The following TMEM132D variants were observed in gnomAD, a reference collection of about 807,000 sequenced individuals.
TMEM132D encodes transmembrane protein 132D.
Under a neutral mutation model 62.3 loss-of-function variants are expected in TMEM132D, and 21 were observed. The observed-to-expected ratio is 0.34, with a 90% CI of 0.24 to 0.49. TMEM132D has a LOEUF of 0.49. Among genes scored for constraint, TMEM132D ranks in the 20% least tolerant of loss-of-function variants. The pLI is 0.99. For missense variants in TMEM132D, 1,346 were observed against 1,402.8 expected, an observed-to-expected ratio of 0.96 and a Z score of 0.65; for synonymous variants, 621 against 575.6, an observed-to-expected ratio of 1.08 and a Z score of -1.13.
At chr12:129,843,746 GA>G (rs1419824361) in intron 1 of TMEM132D, among the ~76,000 whole-genome samples, 5 of 152,026 alleles carry the variant, frequency 3.3e-5, no homozygotes, top group African/African-American at 7.2e-5. Flanking sequence ...AATAGATATT[GA>G]AAGACACTTT....
chr12:129,073,787 T>G lies in TMEM132D; in HGVS notation c.*88A>C. ...GTCATCCTTATTTTGTCCTGCTGCTTTGTTTCTCTTCCGGGGGCACCGTTG... is the reference window on the plus strand; with the variant it reads ...GTCATCCTTATTTTGTCCTGCTGCTGTGTTTCTCTTCCGGGGGCACCGTTG... On this transcript the variant is annotated 3_prime_UTR_variant, in exon 9 of 9. Transcript: ENST00000422113. 8.2e-7 allele frequency: 1 copy of G among 1,215,036 alleles called. No homozygotes were observed. Among genetic ancestry groups the G allele is most frequent in the Non-Finnish European group, 1.2e-6 (1 of 864,144 alleles). 75.3% of individuals were successfully genotyped at this position (1,215,036 alleles called of 1,614,324 possible). A position where few individuals can be genotyped will look rare whatever the true frequency, so the allele number is the denominator to read the frequency against.
chr12:129,537,058 G>A (rs1876412005), intron 2 of TMEM132D, among the ~76,000 whole-genome samples: 1 of 151,262 alleles, frequency 6.6e-6, no homozygotes, highest in Non-Finnish European at 1.5e-5. Flanking sequence ...TACTCAGGAG[G>A]CTGAGACGGG....
chr12:129,740,173 T>C, intron 1 of TMEM132D, among the ~76,000 whole-genome samples: 1 of 152,132 alleles, frequency 6.6e-6, no homozygotes. Context: ...GACCATATCG[T>C]TGTAATCAGC....
intron 4 of TMEM132D, among the ~76,000 whole-genome samples, chr12:129,315,082 G>A (rs1420419707): frequency 2.6e-5 from 4 of 152,120 alleles, no homozygotes; most frequent in Admixed American, 6.5e-5. Flanking sequence ...TGGTCATATT[G>A]TCAGCAAACA....
At chr12:129,113,564 CAT>C (rs982973592) in intron 5 of TMEM132D, among the ~76,000 whole-genome samples, 1 of 152,132 alleles carries the variant, frequency 6.6e-6, no homozygotes, top group African/African-American at 2.4e-5. Flanking sequence ...ATTAAAAAGA[CAT>C]ATTAGCAACA....
chr12:129,792,010 G>T (rs1011254926), intron 1 of TMEM132D, among the ~76,000 whole-genome samples: 1 of 152,184 alleles, frequency 6.6e-6, no homozygotes, highest in Admixed American at 6.5e-5. Context: ...CAAGGGTGAC[G>T]TTGTGAGGGG....
At chr12:129,332,843 G>A (rs1869152194) in intron 4 of TMEM132D, among the ~76,000 whole-genome samples, 1 of 152,090 alleles carries the variant, frequency 6.6e-6, no homozygotes, top group Non-Finnish European at 1.5e-5. Context: ...TAGAAATGTG[G>A]TTACCGGTGT....
At chr12:129,422,003 G>C (rs1052183073) in intron 3 of TMEM132D, among the ~76,000 whole-genome samples, 7 of 150,124 alleles carry the variant, frequency 4.7e-5, no homozygotes, top group Non-Finnish European at 1.0e-4. Flanking sequence ...GTGCCTTCGC[G>C]GTCAAATCCT....
chr12:129,457,828 G>T lies in TMEM132D; in HGVS notation c.1115+73231C>A, dbSNP rs979301887. On this transcript the variant is annotated intron_variant, in intron 3 of 8. Coordinates refer to ENST00000422113, the MANE Select transcript of TMEM132D (RefSeq NM_133448.3). ...CTATCATGAGAACAGCAAGGCGGAT[G>T]TCTGATCCCATGATTCAATCACCCC... Among the ~76,000 whole-genome samples the T allele has an allele frequency of 2.0e-5, 3 of 152,110 alleles. 1 individual carries two copies. Among genetic ancestry groups the T allele is most frequent in the Non-Finnish European group, 4.4e-5 (3 of 68,026 alleles).
intron 3 of TMEM132D, among the ~76,000 whole-genome samples, chr12:129,520,372 C>G (rs1286351315): frequency 6.6e-6 from 1 of 152,166 alleles, no homozygotes; most frequent in Non-Finnish European, 1.5e-5. Context: ...AAGAAAAAGC[C>G]CCAGAACTGG....
At chr12:129,143,560 G>A (rs143344663) in intron 5 of TMEM132D, among the ~76,000 whole-genome samples, 120 of 152,304 alleles carry the variant, frequency 7.9e-4, no homozygotes, top group African/African-American at 2.6e-3. Context: ...ATCGGCAGCA[G>A]AGAGATTCTG....
At chr12:129,484,793 A>G (rs1328991056) in intron 3 of TMEM132D, among the ~76,000 whole-genome samples, 1 of 152,272 alleles carries the variant, frequency 6.6e-6, no homozygotes, top group African/African-American at 2.4e-5. Context: ...TTTGTTTATT[A>G]GAAATAACTG....
chr12:129,337,572 G>T (rs1400393350), intron 4 of TMEM132D, 62 bp downstream of exon 4: 25 of 1,597,560 alleles, frequency 1.6e-5, no homozygotes, highest in Admixed American at 1.7e-5. Context: ...GACTCAGTGC[G>T]GCGCCGGCGC....
At chr12:129,809,261 T>A (rs1215186423) in intron 1 of TMEM132D, among the ~76,000 whole-genome samples, 3 of 147,550 alleles carry the variant, frequency 2.0e-5, no homozygotes, top group African/African-American at 7.6e-5. Flanking sequence ...TGAGCTGAGA[T>A]CATGCCACTG....
At chr12:129,896,515 G>C (rs1875139896) in intron 1 of TMEM132D, among the ~76,000 whole-genome samples, 1 of 152,196 alleles carries the variant, frequency 6.6e-6, no homozygotes, top group African/African-American at 2.4e-5. Flanking sequence ...TACCAGTATA[G>C]CTTTCCTGAC....
chr12:129,717,472 A>G (rs1868631509), intron 1 of TMEM132D, among the ~76,000 whole-genome samples: 1 of 150,628 alleles, frequency 6.6e-6, no homozygotes, highest in Admixed American at 6.6e-5. Flanking sequence ...AATTTATTTA[A>G]TAAAATTTTA....
chr12:129,503,435 T>G (rs1210963254), intron 3 of TMEM132D, among the ~76,000 whole-genome samples: 1 of 152,126 alleles, frequency 6.6e-6, no homozygotes, highest in Non-Finnish European at 1.5e-5. Context: ...GAATTTAAGC[T>G]GAATGATAAA....
chr12:129,510,446 T>C (rs576098338), intron 3 of TMEM132D, among the ~76,000 whole-genome samples: 1 of 152,328 alleles, frequency 6.6e-6, no homozygotes, highest in African/African-American at 2.4e-5. Flanking sequence ...TATCCTTTGC[T>C]GTGCAGAAGA....
At chr12:129,894,972 C>T (rs1252312483) in intron 1 of TMEM132D, among the ~76,000 whole-genome samples, 1 of 152,204 alleles carries the variant, frequency 6.6e-6, no homozygotes, top group Non-Finnish European at 1.5e-5. Flanking sequence ...CACGCAAAGG[C>T]CTTACCACTC....
Sources: gnomAD v4.1 joint callset for allele counts (sites outside exome capture counted in the v4.1 genomes callset) on GRCh38, gnomAD v4.1.1 for gene constraint, MANE v1.5 for transcripts, NCBI Gene and HGNC (gene_info 2026-07-23, HGNC 2026-07-21) for gene names.